CHD9: variants seen among roughly 807,000 people sequenced by gnomAD.
CHD9 encodes chromodomain helicase DNA binding protein 9, also known as ATP-dependent chromatin remodeler CHD9.
CHD9 carries 77 observed loss-of-function variants against 316.1 expected under a neutral mutation model. The observed-to-expected ratio is 0.24, with a 90% CI of 0.20 to 0.29. The LOEUF is 0.29. Ranked by LOEUF, CHD9 falls within the 10% of genes least tolerant of loss-of-function variation. CHD9 has a pLI of 1.00. For missense variants in CHD9, 2,763 were observed against 3,438.1 expected, an observed-to-expected ratio of 0.80 and a Z score of 4.91; for synonymous variants, 1,129 against 1,158.3, an observed-to-expected ratio of 0.97 and a Z score of 0.51.
intron 1 of CHD9, among the ~76,000 whole-genome samples, chr16:53,100,193 ACTT>A (rs1227574018): frequency 6.6e-6 from 1 of 152,070 alleles, no homozygotes; most frequent in Non-Finnish European, 1.5e-5. Flanking sequence ...GCCGAAGAAA[ACTT>A]CTCCTGCCAC....
At chr16:53,305,438 C>T (rs2055872856) in intron 31 of CHD9, among the ~76,000 whole-genome samples, 1 of 152,168 alleles carries the variant, frequency 6.6e-6, no homozygotes, top group South Asian at 2.1e-4. Flanking sequence ...GATACAAATT[C>T]CCTGTTTAAT....
At chr16:53,080,518 A>C (rs868390316) in intron 1 of CHD9, among the ~76,000 whole-genome samples, 1 of 152,204 alleles carries the variant, frequency 6.6e-6, no homozygotes, top group Non-Finnish European at 1.5e-5. Flanking sequence ...TGCCCAAGTA[A>C]GCTGGGCTTT....
At position 53,250,067 on chromosome 16, in the gene CHD9, G is replaced by T; in HGVS notation, c.3861+1G>T. 1 of 1,583,704 alleles carries T rather than the reference G, an allele frequency of 6.3e-7. No homozygotes were observed. Among genetic ancestry groups the T allele is most frequent in the Non-Finnish European group, 8.6e-7 (1 of 1,166,218 alleles). Reference sequence around the variant, plus strand: ...TTGGAATCCTCAGAATGATCTTCAGGTAAATAATTTCCTTGGCTAACAAAA... The same window carrying T: ...TTGGAATCCTCAGAATGATCTTCAGTTAAATAATTTCCTTGGCTAACAAAA... On this transcript the variant is annotated splice_donor_variant, in intron 17 of 38. Coordinates refer to ENST00000447540, the MANE Select transcript of CHD9 (RefSeq NM_001308319.2). LOFTEE classifies it high-confidence loss of function.
intron 1 of CHD9, among the ~76,000 whole-genome samples, chr16:53,137,400 T>C (rs1442136410): frequency 6.6e-6 from 1 of 152,196 alleles, no homozygotes; most frequent in Non-Finnish European, 1.5e-5. Context: ...CACCCATCTT[T>C]CGGTGCACAT....
At chr16:53,310,587 C>T (rs1363988902) in intron 34 of CHD9, among the ~76,000 whole-genome samples, 1 of 151,920 alleles carries the variant, frequency 6.6e-6, no homozygotes, top group African/African-American at 2.4e-5. Context: ...GTGGCACATG[C>T]CTGTAATCCC....
In CHD9 at chr16:53,303,757, A is replaced by G. The variant is rs2055666624; in HGVS notation, c.5751A>G (p.Thr1917=). 1 of 1,613,240 alleles carries G rather than the reference A, an allele frequency of 6.2e-7. No individual in the cohort carries two copies. The highest frequency in any genetic ancestry group is 1.3e-5 in the African/African-American group (1 of 75,038). ...CAAATATTTTTATCCAGCCCATCAC[A>G]GAAGAACGTGCTTCTAGGACTTTGT... ...VDPNIFIQPI[T]EERASRTLYR... The change falls in exon 31 of 39, where the codon ACA becomes ACG. Residue 1917 remains threonine (T), a synonymous_variant. Transcript: ENST00000447540.
rs528429181 is a variant in CHD9, at chr16:53,283,450, T to C, written c.4968-2146T>C. Among the ~76,000 whole-genome samples the C allele has an allele frequency of 3.3e-5, 5 of 152,366 alleles. No homozygotes were observed. In the East Asian group the frequency reaches 7.7e-4, roughly 23 times the overall value. On this transcript the variant is annotated intron_variant, in intron 24 of 38. Coordinates refer to ENST00000447540, the MANE Select transcript of CHD9 (RefSeq NM_001308319.2). ...CATTTGAAACATGAGTTTTGTATGC[T>C]GATTGCCTTTTCCTCTTTACAAGCA...
chr16:53,284,032 G>A (rs762616030), intron 24 of CHD9, among the ~76,000 whole-genome samples: 1 of 151,846 alleles, frequency 6.6e-6, no homozygotes, highest in African/African-American at 2.4e-5. Flanking sequence ...GGAACATGTC[G>A]ATCACTTGTT....
intron 1 of CHD9, among the ~76,000 whole-genome samples, chr16:53,142,224 T>C (rs574977957): frequency 6.6e-6 from 1 of 152,228 alleles, no homozygotes; most frequent in South Asian, 2.1e-4. Context: ...GAGAGGGAAA[T>C]AGATAATTTT....
intron 2 of CHD9, among the ~76,000 whole-genome samples, chr16:53,174,603 TTATG>T (rs2042982511): frequency 6.6e-6 from 1 of 152,022 alleles, no homozygotes; most frequent in Non-Finnish European, 1.5e-5. Context: ...TTTAACCTAT[TTATG>T]TATTAATTAA....
At chr16:53,312,360 G>A (rs571778747) in intron 34 of CHD9, among the ~76,000 whole-genome samples, 4 of 152,140 alleles carry the variant, frequency 2.6e-5, no homozygotes, top group Admixed American at 2.6e-4. Flanking sequence ...TTGGAAAAGA[G>A]GAAAGTCATT....
chr16:53,322,058 C>CGCAACCTTGGCTCACT (rs2057309367), intron 38 of CHD9, among the ~76,000 whole-genome samples: 1 of 148,074 alleles, frequency 6.8e-6, no homozygotes, highest in Non-Finnish European at 1.5e-5. Context: ...AGTGCAGTGG[C>CGCAACCTTGGCTCACT]GCAACCTTGG....
chr16:53,128,501 C>T (rs189442335), intron 1 of CHD9, among the ~76,000 whole-genome samples: 1 of 152,250 alleles, frequency 6.6e-6, no homozygotes, highest in Admixed American at 6.5e-5. Context: ...GACATTCTTA[C>T]TCTGGAGTGG....
intron 4 of CHD9, among the ~76,000 whole-genome samples, chr16:53,225,392 C>G (rs866108352): frequency 2.0e-5 from 3 of 152,214 alleles, no homozygotes; most frequent in Middle Eastern, 6.8e-3. Flanking sequence ...CATGAGATTA[C>G]AAGGGAAATT....
chr16:53,246,065 T>C (rs1215674621), intron 15 of CHD9, among the ~76,000 whole-genome samples: 1 of 152,200 alleles, frequency 6.6e-6, no homozygotes, highest in Non-Finnish European at 1.5e-5. Flanking sequence ...GTTTGTTCAG[T>C]ATAATTTGGA....
At chr16:53,259,164 C>T (rs932400443) in intron 19 of CHD9, among the ~76,000 whole-genome samples, 6 of 152,070 alleles carry the variant, frequency 3.9e-5, no homozygotes, top group Non-Finnish European at 7.4e-5. Flanking sequence ...TGTCACAATC[C>T]TTGAGAATCA....
At chr16:53,254,339 G>A in intron 17 of CHD9, 99 bp from the exon 18 acceptor site, 1 of 782,138 alleles carries the variant, frequency 1.3e-6, no homozygotes, top group Non-Finnish European at 1.9e-6. Flanking sequence ...AATAAAAATG[G>A]TCTAAGAATT....
chr16:53,236,056 T>C (rs2048591103), intron 11 of CHD9, among the ~76,000 whole-genome samples: 1 of 152,166 alleles, frequency 6.6e-6, no homozygotes, highest in Non-Finnish European at 1.5e-5. Context: ...ACTCAGTCGA[T>C]GGAAAGAGGC....
chr16:53,173,802 C>G (rs568752902), intron 2 of CHD9, among the ~76,000 whole-genome samples: 4 of 151,976 alleles, frequency 2.6e-5, no homozygotes, highest in Admixed American at 6.6e-5. Flanking sequence ...CCTCAGCCTC[C>G]CAAAGTGCTG....
Sources: allele counts gnomAD v4.1 joint callset (sites outside exome capture counted in the v4.1 genomes callset), GRCh38; gene constraint gnomAD v4.1.1; transcripts MANE v1.5; gene names NCBI Gene and HGNC (gene_info 2026-07-23, HGNC 2026-07-21).